Variants in PLCXD2 observed in about 807,000 individuals in gnomAD.
PLCXD2 encodes the protein phosphatidylinositol specific phospholipase C X domain containing 2.
Under a neutral mutation model 28.6 loss-of-function variants are expected in PLCXD2, and 21 were observed. The ratio of observed to expected loss-of-function variants is 0.73; its 90% CI spans 0.52 to 1.06. PLCXD2 has a LOEUF of 1.06. Among genes scored for constraint, PLCXD2 ranks in the 50% least tolerant of loss-of-function variants. PLCXD2 has a pLI of 0.00. For synonymous variants in PLCXD2, 140 were observed against 150.1 expected (o/e 0.93, Z 0.49); for missense variants, 369 against 376.7 (o/e 0.98, Z 0.17).
At chr3:111,697,790 T>G (rs911054536) in intron 1 of PLCXD2, among the ~76,000 whole-genome samples, 1 of 152,204 alleles carries the variant, frequency 6.6e-6, no homozygotes. Flanking sequence ...AATAAAAAGT[T>G]TAAGAACATC....
At chr3:111,675,709 T>C (rs1050510277) in intron 1 of PLCXD2, among the ~76,000 whole-genome samples, 3 of 152,200 alleles carry the variant, frequency 2.0e-5, no homozygotes, top group Non-Finnish European at 2.9e-5. Context: ...TTGTTATGTG[T>C]ATGTGAGGGG....
In PLCXD2 at chr3:111,711,431, A is replaced by G. The variant is rs530871652; in HGVS notation, c.625-2456A>G. ...AAAAAATAAATAAATAAAATAAAAT[A>G]AAGCTAAACAAAGAGATTTCAAACA... is the stretch of plus-strand genomic sequence containing the variant. On this transcript the variant is annotated intron_variant, in intron 2 of 4. Coordinates refer to ENST00000477665, the MANE Select transcript of PLCXD2 (RefSeq NM_001185106.1). 2.0e-5 allele frequency among the ~76,000 whole-genome samples: 3 copies of G among 152,322 alleles called. No individual in the cohort carries two copies. The South Asian group carries it at 6.2e-4, about 32-fold the overall frequency.
At chr3:111,693,332 G>A (rs757712535) in intron 1 of PLCXD2, among the ~76,000 whole-genome samples, 1 of 152,216 alleles carries the variant, frequency 6.6e-6, no homozygotes, top group Non-Finnish European at 1.5e-5. Flanking sequence ...ACTCATCTGT[G>A]GCTACGGAGG....
chr3:111,725,862 T>C (rs1197067181), intron 3 of PLCXD2: 2 of 398,520 alleles, frequency 5.0e-6, no homozygotes, highest in Admixed American at 8.8e-5. Flanking sequence ...CATAGAATAC[T>C]ACTTTTTCCT....
chr3:111,722,585 C>G (rs141205291), intron 3 of PLCXD2: 1 of 152,290 alleles, frequency 6.6e-6, no homozygotes, highest in East Asian at 1.9e-4. Flanking sequence ...CTCCTCAGCA[C>G]CATCTGAGAA....
chr3:111,687,327 C>T (rs1363973755), intron 1 of PLCXD2, among the ~76,000 whole-genome samples: 1 of 152,140 alleles, frequency 6.6e-6, no homozygotes, highest in Non-Finnish European at 1.5e-5. Flanking sequence ...GTCAGGTGAG[C>T]TCACAGACTA....
chr3:111,685,115 A>G (rs746662854), intron 1 of PLCXD2, among the ~76,000 whole-genome samples: 4 of 152,130 alleles, frequency 2.6e-5, no homozygotes, highest in Non-Finnish European at 5.9e-5. Context: ...GGTGGGACAC[A>G]GTGGAGATGG....
intron 1 of PLCXD2, among the ~76,000 whole-genome samples, chr3:111,686,667 T>G (rs1407445924): frequency 3.9e-5 from 6 of 152,162 alleles, no homozygotes; most frequent in Non-Finnish European, 8.8e-5. Context: ...GGAGTCAAGC[T>G]CTCTACAAAT....
intron 1 of PLCXD2, among the ~76,000 whole-genome samples, chr3:111,694,622 C>T (rs1940935531): frequency 6.6e-6 from 1 of 152,156 alleles, no homozygotes; most frequent in African/African-American, 2.4e-5. Context: ...CCATGCCCCT[C>T]AACATGGCTG....
chr3:111,700,888 C>T (rs2107855894), intron 1 of PLCXD2, among the ~76,000 whole-genome samples: 1 of 152,078 alleles, frequency 6.6e-6, no homozygotes, highest in East Asian at 1.9e-4. Flanking sequence ...TGCAGCGTGG[C>T]AGAAGTAAAG....
intron 1 of PLCXD2, among the ~76,000 whole-genome samples, chr3:111,679,301 A>T (rs1940675950): frequency 6.6e-6 from 1 of 152,088 alleles, no homozygotes; most frequent in Admixed American, 6.5e-5. Flanking sequence ...ATGGGGGTAT[A>T]TGGGAGTAAA....
At position 111,716,004 on chromosome 3, in the gene PLCXD2, A is replaced by T. The variant is rs552386020; in HGVS notation, c.866+1876A>T. The stretch of plus-strand genomic sequence containing the variant: ...TTGGCTCTTTCCTTTATGATGAGAG[A>T]TAATGATGTTGGCATGCGCCCAAAG... On this transcript the variant is annotated intron_variant, in intron 3 of 4. Transcript: ENST00000477665. 3.3e-5 allele frequency among the ~76,000 whole-genome samples: 5 copies of T among 152,328 alleles called. No individual in the cohort carries two copies. The East Asian group carries it at 9.6e-4, about 29-fold the overall frequency.
Position 111,714,079 on chromosome 3 carries a change from A to G in PLCXD2, c.817A>G (p.Thr273Ala). 6.2e-7 allele frequency: 1 copy of G among 1,614,082 alleles called. No homozygotes were observed. The highest frequency in any genetic ancestry group is 8.5e-7 in the Non-Finnish European group (1 of 1,180,022). Reference sequence around the variant, plus strand: ...AGCGATCCTCACCCCCAGAGTGAAGACCATTGCCCGGGGCTTGGTTGGGGG... The same window carrying G: ...AGCGATCCTCACCCCCAGAGTGAAGGCCATTGCCCGGGGCTTGGTTGGGGG... The change falls in exon 3 of 5, where the codon ACC becomes GCC. Residue 273 changes from threonine to alanine, a missense_variant. Physicochemically the swap from Thr to Ala is moderately conservative, Grantham distance 58 (BLOSUM62 0). Transcript: ENST00000477665.
At chr3:111,684,346 A>T (rs1451608337) in intron 1 of PLCXD2, among the ~76,000 whole-genome samples, 1 of 150,644 alleles carries the variant, frequency 6.6e-6, no homozygotes, top group Non-Finnish European at 1.5e-5. Flanking sequence ...AAAAAAAAAA[A>T]GGCATGTTAA....
chr3:111,699,196 C>T (rs1221672012), intron 1 of PLCXD2, among the ~76,000 whole-genome samples: 5 of 152,192 alleles, frequency 3.3e-5, no homozygotes, highest in Non-Finnish European at 7.3e-5. Flanking sequence ...TCTCTATCTT[C>T]TTATAAGCTT....
intron 2 of PLCXD2, among the ~76,000 whole-genome samples, chr3:111,709,914 T>C (rs950148449): frequency 6.6e-6 from 1 of 152,158 alleles, no homozygotes; most frequent in East Asian, 1.9e-4. Flanking sequence ...ATCTCTCCGG[T>C]TGCAATACTA....
At chr3:111,726,288 A>G (rs1941413997) in intron 3 of PLCXD2, 1 of 158,214 alleles carries the variant, frequency 6.3e-6, no homozygotes, top group African/African-American at 2.4e-5. Flanking sequence ...AAATAGTGGT[A>G]CCTTGCTGCT....
In PLCXD2 at chr3:111,708,069, C is replaced by T. The variant is rs571921225; in HGVS notation, c.307C>T (p.Arg103Ter). The change falls in exon 2 of 5, where the codon CGA becomes TGA. Residue 103 changes from arginine to a stop codon, truncating the protein, a stop_gained. Transcript: ENST00000477665. LOFTEE classifies it high-confidence loss of function. ...GTCTGTGACTCAGAACCTGACATTT[C>T]GAGAACAGCTGGAAGCTGGGATCCG... 7.4e-6 allele frequency: 12 copies of T among 1,614,174 alleles called. No homozygotes were observed. The highest frequency in any genetic ancestry group is 6.7e-5 in the East Asian group (3 of 44,886).
intron 1 of PLCXD2, among the ~76,000 whole-genome samples, chr3:111,697,761 CTAATTT>C (rs1215035014): frequency 1.3e-5 from 2 of 152,132 alleles, no homozygotes; most frequent in African/African-American, 2.4e-5. Flanking sequence ...TTGATGACAT[CTAATTT>C]TATGTTGTTA....
Sources: gnomAD v4.1 joint callset for allele counts (sites outside exome capture counted in the v4.1 genomes callset) on GRCh38, gnomAD v4.1.1 for gene constraint, MANE v1.5 for transcripts, NCBI Gene and HGNC (gene_info 2026-07-23, HGNC 2026-07-21) for gene names.